Variants in TENM1 observed in about 807,000 individuals in gnomAD.
TENM1 encodes the protein teneurin transmembrane protein 1.
TENM1 carries 35 observed loss-of-function variants against 174.8 expected under a neutral mutation model. The observed-to-expected ratio is 0.20, with a 90% CI of 0.15 to 0.27. TENM1 has a LOEUF of 0.27. TENM1 is among the 10% of genes least tolerant of loss of function. The pLI is 1.00. For synonymous variants in TENM1, 781 were observed against 798.7 expected (o/e 0.98, Z 0.37); for missense variants, 1,633 against 2,130.1 (o/e 0.77, Z 4.59).
At chrX:124,625,295 T>G (rs1023460931) in intron 11 of TENM1, among the ~76,000 whole-genome samples, 1 of 111,540 alleles carries the variant, frequency 9.0e-6, no homozygotes, top group Non-Finnish European at 1.9e-5. Context: ...GGATAATATT[T>G]GTAAAGCACA....
intron 3 of TENM1, among the ~76,000 whole-genome samples, chrX:124,771,647 C>G (rs1263192994): frequency 8.9e-6 from 1 of 112,132 alleles, no homozygotes; most frequent in Non-Finnish European, 1.9e-5. Flanking sequence ...ATATTATCCA[C>G]TCACACCTAC....
At chrX:124,645,423 A>C in intron 9 of TENM1, 86 bp from the exon 13 acceptor site, 2 of 940,753 alleles carry the variant, frequency 2.1e-6, no homozygotes, top group Non-Finnish European at 2.9e-6. Flanking sequence ...TTCGTATTTC[A>C]GGCAAAAAAT....
chrX:124,383,011 A>G (rs1221367346), intron 30 of TENM1, among the ~76,000 whole-genome samples, 199 bp from the exon 34 acceptor site: 1 of 109,617 alleles, frequency 9.1e-6, no homozygotes, highest in African/African-American at 3.3e-5. Flanking sequence ...GCTGGAGTAC[A>G]GTGGTGCAAT....
chrX:124,820,330 C>T (rs1030349861), intron 3 of TENM1, among the ~76,000 whole-genome samples: 11 of 111,009 alleles, frequency 9.9e-5, no homozygotes, highest in Middle Eastern at 4.7e-3. Flanking sequence ...TCCCAGCCGC[C>T]CCCCCACCAC....
chrX:124,416,636 C>T (rs767159832), intron 25 of TENM1, among the ~76,000 whole-genome samples: 1 of 111,803 alleles, frequency 8.9e-6, no homozygotes, highest in Non-Finnish European at 1.9e-5. Context: ...CTTCACAGTG[C>T]TAAATCAAGT....
At chrX:124,958,735 T>C (rs1459468024) in intron 1 of TENM1, among the ~76,000 whole-genome samples, 2 of 111,533 alleles carry the variant, frequency 1.8e-5, no homozygotes, top group Non-Finnish European at 3.8e-5. Flanking sequence ...CTCAGTTATC[T>C]CATCTGTAAA....
the TENM1 span, among the ~76,000 whole-genome samples, chrX:125,115,361 T>C: frequency 9.0e-6 from 1 of 111,445 alleles, no homozygotes; most frequent in Non-Finnish European, 1.9e-5. Flanking sequence ...TCACTCCTAT[T>C]CAACATAGTA....
chrX:124,556,094 A>T (rs144252916), intron 14 of TENM1, among the ~76,000 whole-genome samples: 229 of 111,927 alleles, frequency 2.0e-3, no homozygotes, highest in African/African-American at 6.9e-3. Context: ...CTTTACCAGT[A>T]TGACTCCGAA....
intron 3 of TENM1, among the ~76,000 whole-genome samples, chrX:124,794,769 C>A (rs772306720): frequency 2.1e-4 from 23 of 111,777 alleles, no homozygotes; most frequent in African/African-American, 7.1e-4. Flanking sequence ...CCTTCTGTGA[C>A]CTGGTTGCTG....
At chrX:124,898,023 C>T (rs902122656) in intron 1 of TENM1, among the ~76,000 whole-genome samples, 7 of 112,282 alleles carry the variant, frequency 6.2e-5, no homozygotes, top group African/African-American at 2.3e-4. Flanking sequence ...TGGTAATAAA[C>T]CTTTCAGCTT....
In TENM1 at chrX:124,588,691, A is replaced by G. The variant is rs763214089; in HGVS notation, c.2078-23131T>C. Among the ~76,000 whole-genome samples the G allele has an allele frequency of 1.1e-3, 118 of 111,286 alleles. 1 individual carries two copies. The highest frequency in any genetic ancestry group is 1.9e-3 in the Non-Finnish European group (100 of 52,990). Reference sequence around the variant, plus strand: ...CATGTACCCTAAAACTTAAAGTATAATAATAATAAAATAAAAATAAAAAAA... The same window carrying G: ...CATGTACCCTAAAACTTAAAGTATAGTAATAATAAAATAAAAATAAAAAAA... On this transcript the variant is annotated intron_variant, in intron 11 of 31. Coordinates refer to ENST00000422452, the Ensembl canonical transcript of TENM1.
chrX:125,016,557 T>C, the TENM1 span, among the ~76,000 whole-genome samples: 1 of 110,979 alleles, frequency 9.0e-6, no homozygotes, highest in African/African-American at 3.3e-5. Context: ...CTCAAGGAAA[T>C]AAGATAGGAC....
At chrX:125,017,308 C>A in the TENM1 span, among the ~76,000 whole-genome samples, 2 of 111,912 alleles carry the variant, frequency 1.8e-5, no homozygotes, top group Non-Finnish European at 3.8e-5. Flanking sequence ...TTTTTGTAAT[C>A]TTTCCATCTG....
chrX:125,130,297 T>A, the TENM1 span, among the ~76,000 whole-genome samples: 1 of 111,314 alleles, frequency 9.0e-6, no homozygotes, highest in Non-Finnish European at 1.9e-5. Flanking sequence ...CACCTAATTT[T>A]ATCACCATTT....
chrX:124,413,521 G>A (rs1214378954), intron 25 of TENM1, among the ~76,000 whole-genome samples: 1 of 111,894 alleles, frequency 8.9e-6, no homozygotes, highest in Admixed American at 9.5e-5. Flanking sequence ...GCACACTCAG[G>A]TTACATAGAT....
At chrX:125,083,452 C>T in the TENM1 span, among the ~76,000 whole-genome samples, 1 of 110,057 alleles carries the variant, frequency 9.1e-6, no homozygotes, top group Non-Finnish European at 1.9e-5. Context: ...CCTCTATTAC[C>T]CATGAGGCTG....
At chrX:125,027,611 C>CTTTTTTT in the TENM1 span, among the ~76,000 whole-genome samples, 326 of 82,975 alleles carry the variant, frequency 3.9e-3, 1 homozygote, top group Non-Finnish European at 4.8e-3. Flanking sequence ...TTTTCTTTTT[C>CTTTTTTT]TTTTTTTTTT....
chrX:124,446,986 A>G (rs7060011), intron 23 of TENM1, among the ~76,000 whole-genome samples: 4,713 of 111,828 alleles, frequency 0.042, 223 homozygotes, highest in African/African-American at 0.14. Context: ...TCTCCTGTCC[A>G]TTCCTGTCAG....
At chrX:124,462,809 T>C (rs1460121949) in intron 22 of TENM1, among the ~76,000 whole-genome samples, 12 of 111,706 alleles carry the variant, frequency 1.1e-4, no homozygotes, top group Non-Finnish European at 2.1e-4. Context: ...TACTGAAACA[T>C]ATCTACCTTG....
Sources: allele counts gnomAD v4.1 joint callset (sites outside exome capture counted in the v4.1 genomes callset), GRCh38; gene constraint gnomAD v4.1.1; transcripts MANE v1.5; gene names NCBI Gene and HGNC (gene_info 2026-07-23, HGNC 2026-07-21).